TYSND1: variants seen among roughly 807,000 people sequenced by gnomAD.
The protein encoded by TYSND1 is trypsin like peroxisomal matrix peptidase 1.
Under a neutral mutation model 37.2 loss-of-function variants are expected in TYSND1, and 30 were observed. That is an observed-to-expected ratio of 0.81 (90% CI 0.60 to 1.09). The LOEUF (loss-of-function observed/expected upper bound fraction) is 1.09, where lower values mean the gene tolerates loss of function less well. Among genes scored for constraint, TYSND1 ranks in the 50% least tolerant of loss-of-function variants. The pLI is 0.00. For missense variants in TYSND1, 806 were observed against 817.4 expected (o/e 0.99, Z 0.17); for synonymous variants, 364 against 383.8 (o/e 0.95, Z 0.60).
At position 70,145,753 on chromosome 10, in the gene TYSND1, C is replaced by T; in HGVS notation, c.834G>A (p.Leu278=). 7.0e-7 allele frequency: 1 copy of T among 1,435,964 alleles called. No individual in the cohort carries two copies. Among genetic ancestry groups the T allele is most frequent in the Non-Finnish European group, 9.1e-7 (1 of 1,104,756 alleles). The allele number at this position is 1,435,964 out of a possible 1,614,324, so 89.0% of individuals were successfully genotyped here. ...TARPAGALVA[L]VVAPLCWKAG... ...CCTTCCAACAGAGCGGCGCCACCAC[C>T]AGCGCCACCAGCGCCCCCGCGGGCC... Residue 278 remains leucine (L), a synonymous_variant, in exon 1 of 4, where the codon CTG becomes CTA. Coordinates refer to ENST00000287078, the MANE Select transcript of TYSND1 (RefSeq NM_173555.4).
intron 2 of TYSND1, among the ~76,000 whole-genome samples, chr10:70,143,413 G>A (rs2072818332): frequency 6.6e-6 from 1 of 152,214 alleles, no homozygotes; most frequent in South Asian, 2.1e-4. Context: ...CCAAGGACAT[G>A]GGACTAATAG....
At position 70,146,214 on chromosome 10, in the gene TYSND1, G is replaced by T. The variant is rs765388504; in HGVS notation, c.373C>A (p.Pro125Thr). ...TCAGCAGGAAGCCGGGGCTGCAGGG[G>T]ACGCCCGCGGGACGGGGCAGGTGGG... ...PGPPAPSRGR[P>T]LQPRLPAELL... Residue 125 changes from proline to threonine, a missense_variant, in exon 1 of 4, where the codon CCC becomes ACC. By Grantham distance (38) the Pro-to-Thr change is conservative (BLOSUM62 -1). Transcript: ENST00000287078. The T allele has an allele frequency of 2.0e-6, 3 of 1,515,724 alleles. No homozygotes were observed. The highest frequency in any genetic ancestry group is 2.5e-5 in the South Asian group (2 of 79,310). The allele number at this position is 1,515,724 out of a possible 1,614,324, so 93.9% of individuals were successfully genotyped here. A position where few individuals can be genotyped will look rare whatever the true frequency, so the allele number is the denominator to read the frequency against.
At chr10:70,145,272 T>G in intron 1 of TYSND1, 149 bp downstream of exon 1, 18 of 693,628 alleles carry the variant, frequency 2.6e-5, no homozygotes, top group Non-Finnish European at 3.4e-5. Context: ...GTATAAAGGA[T>G]GAGGGGAGGG....
chr10:70,142,330 C>T (rs141663030), intron 3 of TYSND1, among the ~76,000 whole-genome samples: 14 of 152,322 alleles, frequency 9.2e-5, no homozygotes, highest in African/African-American at 3.1e-4. Context: ...CCTCCCCTCC[C>T]CTCCCTGTTG....
chr10:70,146,647 C>T lies in TYSND1; in HGVS notation c.-61G>A. The stretch of plus-strand genomic sequence containing the variant: ...AAACAGCAAGCTAGCGAGCGAGGAC[C>T]CCTACCCGGTCCGGCTGAAGCTGCC... On this transcript the variant is annotated 5_prime_UTR_variant, in exon 1 of 4. Transcript: ENST00000287078. The T allele has an allele frequency of 7.1e-7, 1 of 1,416,908 alleles. No homozygotes were observed. Among genetic ancestry groups the T allele is most frequent in the Non-Finnish European group, 9.2e-7 (1 of 1,087,122 alleles). 87.8% of individuals were successfully genotyped at this position (1,416,908 alleles called of 1,614,324 possible). A position where few individuals can be genotyped will look rare whatever the true frequency, so the allele number is the denominator to read the frequency against.
chr10:70,146,015 C>T lies in TYSND1; in HGVS notation c.572G>A (p.Arg191Gln), dbSNP rs1244061841. ...CTCCTCCACCTCCTCCTGGCCTAGC[C>T]GCACGCCCAGCAGCGCAAACCAGCC... ...ALGWFALLGV[R>Q]LGQEEVEEER... The change falls in exon 1 of 4, where the codon CGG (arginine) becomes CAG (glutamine). Residue 191 changes from arginine to glutamine, a missense_variant. Coordinates refer to ENST00000287078, the MANE Select transcript of TYSND1 (RefSeq NM_173555.4). 2.5e-6 allele frequency: 4 copies of T among 1,597,710 alleles called. No individual in the cohort carries two copies. In the African/African-American group the frequency reaches 4.0e-5, roughly 16 times the overall value.
At chr10:70,141,212 A>G (rs1314219850) in intron 3 of TYSND1, among the ~76,000 whole-genome samples, 1 of 148,536 alleles carries the variant, frequency 6.7e-6, no homozygotes, top group Non-Finnish European at 1.5e-5. Context: ...AAGTGCTAGA[A>G]TTACAAGTGC....
chr10:70,144,658 G>A, intron 1 of TYSND1: 1 of 985,970 alleles, frequency 1.0e-6, no homozygotes, highest in Non-Finnish European at 1.2e-6. Context: ...CTCCTTAGGA[G>A]CAAGGGGCAT....
Position 70,146,656 on chromosome 10 carries a change from G to A in TYSND1, c.-70C>T, listed in dbSNP as rs1293333020. ...GCTAGCGAGCGAGGACCCCTACCCG[G>A]TCCGGCTGAAGCTGCCTAGCGCCAC... On this transcript the variant is annotated 5_prime_UTR_variant, in exon 1 of 4. Transcript: ENST00000287078. 2 of 1,391,126 alleles carry A rather than the reference G, an allele frequency of 1.4e-6. No individual in the cohort carries two copies. The highest frequency in any genetic ancestry group is 3.0e-5 in the Admixed American group (1 of 33,364). The allele number at this position is 1,391,126 out of a possible 1,614,324, so 86.2% of individuals were successfully genotyped here. A position where few individuals can be genotyped will look rare whatever the true frequency, so the allele number is the denominator to read the frequency against.
At chr10:70,143,030 T>A (rs2072810361) in intron 2 of TYSND1, among the ~76,000 whole-genome samples, 177 bp from the exon 3 acceptor site, 1 of 152,230 alleles carries the variant, frequency 6.6e-6, no homozygotes, top group Non-Finnish European at 1.5e-5. Context: ...TGGAAGAGGC[T>A]GAGAACTCCA....
intron 3 of TYSND1, among the ~76,000 whole-genome samples, chr10:70,140,502 TTGTTGAATGAATGAA>T (rs1317090021): frequency 1.5e-5 from 2 of 129,488 alleles, no homozygotes; most frequent in Non-Finnish European, 3.2e-5. Context: ...CAACAAAGGC[TTGTTGAATGAATGAA>T]TGAATGAATG....
chr10:70,145,286 C>T, intron 1 of TYSND1, 135 bp downstream of exon 1: 2 of 830,028 alleles, frequency 2.4e-6, no homozygotes, highest in Non-Finnish European at 3.2e-6. Flanking sequence ...GGGAGGGTTC[C>T]AGGTCTCTAC....
Position 70,146,619 on chromosome 10 carries a change from G to T in TYSND1, c.-33C>A. On this transcript the variant is annotated 5_prime_UTR_variant, in exon 1 of 4. Coordinates refer to ENST00000287078, the MANE Select transcript of TYSND1 (RefSeq NM_173555.4). ...AGGCCGGACACTCGGGAGCTTCTCC[G>T]AGAAACAGCAAGCTAGCGAGCGAGG... 1 of 1,473,472 alleles carries T rather than the reference G, an allele frequency of 6.8e-7. No individual in the cohort carries two copies. The highest frequency in any genetic ancestry group is 8.9e-7 in the Non-Finnish European group (1 of 1,118,986). 91.3% of individuals were successfully genotyped at this position (1,473,472 alleles called of 1,614,324 possible).
intron 1 of TYSND1, chr10:70,144,835 G>A: frequency 1.0e-6 from 1 of 978,150 alleles, no homozygotes; most frequent in Non-Finnish European, 1.2e-6. Context: ...TTCAGGAAGA[G>A]ATTTGGAAAA....
rs182409960 is a variant in TYSND1 at position 70,141,906 on chromosome 10, T to G, written c.1483+762A>C. Among the ~76,000 whole-genome samples the G allele has an allele frequency of 5.8e-3, 888 of 152,260 alleles. 4 individuals are homozygous for G. The highest frequency in any genetic ancestry group is 0.013 in the South Asian group (61 of 4,818). ...TATGGCTCTAAATATTACTTACGGCTCCAATATTTCCTCTTTGTAAGTACT... is the reference window on the plus strand; with the variant it reads ...TATGGCTCTAAATATTACTTACGGCGCCAATATTTCCTCTTTGTAAGTACT... On this transcript the variant is annotated intron_variant, in intron 3 of 3. Coordinates refer to ENST00000287078, the MANE Select transcript of TYSND1 (RefSeq NM_173555.4).
chr10:70,142,622 G>A lies in TYSND1; in HGVS notation c.1483+46C>T, dbSNP rs757403192. The A allele has an allele frequency of 7.3e-6, 11 of 1,497,500 alleles. No individual in the cohort carries two copies. The South Asian group carries it at 1.4e-4, about 19-fold the overall frequency. The allele number at this position is 1,497,500 out of a possible 1,614,324, so 92.8% of individuals were successfully genotyped here. On this transcript the variant is annotated intron_variant, in intron 3 of 3. Coordinates refer to ENST00000287078, the MANE Select transcript of TYSND1 (RefSeq NM_173555.4). ...ACAAGCACTCATGGGGTGGGACTGA[G>A]GTTCTGGCAAGTGGGAGGGCGGGAG...
chr10:70,142,947 C>G (rs1589863408), intron 2 of TYSND1, 94 bp from the exon 3 acceptor site: 1 of 1,377,738 alleles, frequency 7.3e-7, no homozygotes, highest in South Asian at 1.3e-5. Flanking sequence ...TCCAAACATT[C>G]CAAACCTCTC....
chr10:70,140,028 G>C lies in TYSND1; in HGVS notation c.1597C>G (p.Gln533Glu). The C allele has an allele frequency of 2.5e-6, 4 of 1,614,214 alleles. No individual in the cohort carries two copies. Among genetic ancestry groups the C allele is most frequent in the Non-Finnish European group, 3.4e-6 (4 of 1,180,024 alleles). Residue 533 changes from glutamine to glutamate, a missense_variant, in exon 4 of 4, where the codon CAA becomes GAA. By Grantham distance (29) the Gln-to-Glu change is conservative. This residue lies in a region of TYSND1 where 708 missense variants were observed against 705.4 expected (regional missense o/e 1.00). Transcript: ENST00000287078. ...QPALQQYSQT[Q>E]DLGGLRELDR... The stretch of plus-strand genomic sequence containing the variant: ...AGCTCACGGAGGCCACCTAGGTCTT[G>C]GGTCTGGCTGTACTGCTGCAGGGCC...
At position 70,146,502 on chromosome 10, in the gene TYSND1, C is replaced by T. The variant is rs1390065697; in HGVS notation, c.85G>A (p.Ala29Thr). Residue 29 changes from alanine to threonine, a missense_variant, in exon 1 of 4, where the codon GCG becomes ACG. By Grantham distance (58) the Ala-to-Thr change is moderately conservative. Coordinates refer to ENST00000287078, the MANE Select transcript of TYSND1 (RefSeq NM_173555.4). ...ACCCCGCTGCAGCTCCACGGGCCCG[C>T]CTCGGGCTGTCCGGCCCGGGAGGCG... Reference protein sequence around the residue: ...VSASRAGQPEAGPWSCSGVIL... With the variant: ...VSASRAGQPETGPWSCSGVIL... 6.3e-7 allele frequency: 1 copy of T among 1,592,784 alleles called. No individual in the cohort carries two copies.
Sources: gnomAD v4.1 joint callset for allele counts (sites outside exome capture counted in the v4.1 genomes callset) on GRCh38, gnomAD v4.1.1 for gene constraint, gnomAD v4.1.1 regional missense constraint, MANE v1.5 for transcripts, NCBI Gene and HGNC (gene_info 2026-07-23, HGNC 2026-07-21) for gene names.